The following HSF2BP variants were observed in gnomAD, a reference collection of about 807,000 sequenced individuals.
The protein encoded by HSF2BP is heat shock transcription factor 2 binding protein, also known as heat shock factor 2-binding protein.
In HSF2BP, 35 loss-of-function variants were observed where a neutral mutation model predicts 35.0. That is an observed-to-expected ratio of 1.00 (90% confidence interval 0.76 to 1.32). The LOEUF (loss-of-function observed/expected upper bound fraction) is 1.32, where lower values mean the gene tolerates loss of function less well. Among genes scored for constraint, HSF2BP ranks in the 40% most tolerant of loss-of-function variants. HSF2BP has a pLI of 0.00. For synonymous variants in HSF2BP, 114 were observed against 117.4 expected (o/e 0.97, Z 0.18); for missense variants, 326 against 321.7 (o/e 1.01, Z -0.10).
chr21:43,620,953 A>G (rs528322270), intron 6 of HSF2BP, among the ~76,000 whole-genome samples: 2 of 152,298 alleles, frequency 1.3e-5, no homozygotes, highest in South Asian at 4.1e-4. Flanking sequence ...AAAAGACCCA[A>G]TCTAAGAATT....
chr21:43,582,239 GGCCTGCTGAGGGAGATGAGT>G, intron 8 of HSF2BP, among the ~76,000 whole-genome samples: 2 of 141,638 alleles, frequency 1.4e-5, no homozygotes, highest in Non-Finnish European at 3.0e-5. Flanking sequence ...GGGGGATGAG[GGCCTGCTGAGGGAGATGAGT>G]GCCTGCTGAG....
In HSF2BP at chr21:43,630,539, T is replaced by C. The variant is rs1601695251; in HGVS notation, c.442-85A>G. ...TAAAAGTGCAGGATACAGAAGATTC[T>C]AGTTTTAATTGTAGAATATTGTAAA... is the stretch of plus-strand genomic sequence containing the variant. On this transcript the variant is annotated intron_variant, in intron 5 of 8. Transcript: ENST00000291560. 4 of 1,416,150 alleles carry C rather than the reference T, an allele frequency of 2.8e-6. No homozygotes were observed. In the South Asian group the frequency reaches 4.4e-5, roughly 16 times the overall value. 87.7% of individuals were successfully genotyped at this position (1,416,150 alleles called of 1,614,324 possible).
the HSF2BP span, among the ~76,000 whole-genome samples, chr21:43,496,090 C>A: frequency 1.5e-5 from 2 of 135,904 alleles, 1 homozygote; most frequent in Non-Finnish European, 3.3e-5. Context: ...CATGCTGACA[C>A]ACAAAGGCAT....
chr21:43,639,740 C>G (rs2082611347), intron 4 of HSF2BP, among the ~76,000 whole-genome samples: 1 of 152,106 alleles, frequency 6.6e-6, no homozygotes, highest in African/African-American at 2.4e-5. Context: ...TCTTCCAAAA[C>G]TAAATGTGCA....
intron 8 of HSF2BP, among the ~76,000 whole-genome samples, chr21:43,572,836 T>C (rs1371509828): frequency 6.6e-6 from 1 of 152,256 alleles, no homozygotes; most frequent in African/African-American, 2.4e-5. Flanking sequence ...GGCTTAGATG[T>C]TCTTGGTATC....
intron 7 of HSF2BP, among the ~76,000 whole-genome samples, chr21:43,609,397 G>C (rs944441893): frequency 1.3e-5 from 2 of 152,018 alleles, no homozygotes; most frequent in African/African-American, 2.4e-5. Flanking sequence ...ATATACTCTT[G>C]TAACAAACCT....
intron 6 of HSF2BP, among the ~76,000 whole-genome samples, chr21:43,616,759 G>A (rs1263493977): frequency 6.6e-6 from 1 of 151,984 alleles, no homozygotes; most frequent in Non-Finnish European, 1.5e-5. Flanking sequence ...TGATGAAACC[G>A]TCTCTACTAA....
chr21:43,622,035 G>C lies in HSF2BP; in HGVS notation c.575-8088C>G, dbSNP rs1038825359. 2.0e-5 allele frequency among the ~76,000 whole-genome samples: 3 copies of C among 152,116 alleles called. No homozygotes were observed. The East Asian group carries it at 5.8e-4, about 29-fold the overall frequency. ...TCAAAATATGGGGGATGGAGTTAAA[G>C]TATAGGGGTATTTTTAGTTTTTTCT... On this transcript the variant is annotated intron_variant, in intron 6 of 8. Coordinates refer to ENST00000291560, the MANE Select transcript of HSF2BP (RefSeq NM_007031.2).
At chr21:43,580,948 G>A (rs1471313295) in intron 8 of HSF2BP, among the ~76,000 whole-genome samples, 1 of 152,162 alleles carries the variant, frequency 6.6e-6, no homozygotes, top group African/African-American at 2.4e-5. Flanking sequence ...TGTGTTACGT[G>A]ATATAGCCAA....
At chr21:43,628,112 G>C (rs900177776) in intron 6 of HSF2BP, among the ~76,000 whole-genome samples, 1 of 152,030 alleles carries the variant, frequency 6.6e-6, no homozygotes, top group African/African-American at 2.4e-5. Context: ...ACTGAAATTC[G>C]GACAGTTAAT....
intron 8 of HSF2BP, among the ~76,000 whole-genome samples, chr21:43,576,493 T>C (rs2081645869): frequency 6.6e-6 from 1 of 152,208 alleles, no homozygotes; most frequent in Admixed American, 6.5e-5. Context: ...CAAGTCAACG[T>C]GCTATATTCA....
chr21:43,596,743 G>T (rs1344161814), intron 7 of HSF2BP, among the ~76,000 whole-genome samples: 1 of 151,918 alleles, frequency 6.6e-6, no homozygotes, highest in Non-Finnish European at 1.5e-5. Context: ...CATTAGATAG[G>T]CATGGTGACA....
intron 8 of HSF2BP, among the ~76,000 whole-genome samples, chr21:43,573,164 G>A (rs1169132085): frequency 6.6e-6 from 1 of 152,224 alleles, no homozygotes; most frequent in Non-Finnish European, 1.5e-5. Context: ...AGAAAAAGCA[G>A]GGTTTGATCC....
At chr21:43,652,653 A>G (rs2082805144) in intron 3 of HSF2BP, among the ~76,000 whole-genome samples, 1 of 152,186 alleles carries the variant, frequency 6.6e-6, no homozygotes, top group African/African-American at 2.4e-5. Flanking sequence ...TATAAAAAGA[A>G]GAATTTTTAT....
At chr21:43,629,939 A>C (rs1478842183) in intron 6 of HSF2BP, among the ~76,000 whole-genome samples, 1 of 152,234 alleles carries the variant, frequency 6.6e-6, no homozygotes. Flanking sequence ...GAAAGGAAGA[A>C]TTAATCAATG....
intron 5 of HSF2BP, among the ~76,000 whole-genome samples, chr21:43,632,151 T>TCA (rs1299740389): frequency 5.8e-4 from 8 of 13,866 alleles, no homozygotes; most frequent in African/African-American, 1.4e-3. Context: ...ACACACACAC[T>TCA]CACACAGTCT....
In HSF2BP at chr21:43,644,184, G is replaced by T. The variant is rs111959032; in HGVS notation, c.291+105C>A. The T allele has an allele frequency of 1.9e-3, 1,393 of 723,034 alleles. 3 individuals are homozygous for T. The highest frequency in any genetic ancestry group is 2.7e-3 in the Non-Finnish European group (1,099 of 411,556). 44.8% of individuals were successfully genotyped at this position (723,034 alleles called of 1,614,324 possible). A position where few individuals can be genotyped will look rare whatever the true frequency, so the allele number is the denominator to read the frequency against. On this transcript the variant is annotated intron_variant, in intron 4 of 8. Transcript: ENST00000291560. ...CATACATTTACAAATACAATTTATTGAGGATTAAGAGTAAAAAATTCAGTC... is the reference window on the plus strand; with the variant it reads ...CATACATTTACAAATACAATTTATTTAGGATTAAGAGTAAAAAATTCAGTC...
chr21:43,631,724 T>C (rs2147002954), intron 5 of HSF2BP, among the ~76,000 whole-genome samples: 1 of 152,114 alleles, frequency 6.6e-6, no homozygotes, highest in South Asian at 2.1e-4. Context: ...TGACATTAAC[T>C]CTCCACTGTG....
At position 43,602,382 on chromosome 21, in the gene HSF2BP, C is replaced by G. The variant is rs376591719; in HGVS notation, c.693-10054G>C. Among the ~76,000 whole-genome samples the G allele has an allele frequency of 2.0e-4, 30 of 152,352 alleles. 1 individual carries two copies. In the South Asian group the frequency reaches 3.1e-3, roughly 16 times the overall value. ...CCAACCTGCAGATGCAGCCACACAG[C>G]TACTCCACAGAGAAATGGGACGATA... On this transcript the variant is annotated intron_variant, in intron 7 of 8. Transcript: ENST00000291560.
Sources: allele counts gnomAD v4.1 joint callset (sites outside exome capture counted in the v4.1 genomes callset), GRCh38; gene constraint gnomAD v4.1.1; transcripts MANE v1.5; gene names NCBI Gene and HGNC (gene_info 2026-07-23, HGNC 2026-07-21).